Variants in SPINT4 observed in about 807,000 individuals in gnomAD.
The protein encoded by SPINT4 is kunitz-type protease inhibitor 4.
Under a neutral mutation model 9.4 loss-of-function variants are expected in SPINT4, and 7 were observed. The observed-to-expected ratio is 0.74, with a 90% CI of 0.42 to 1.40. SPINT4 has a LOEUF of 1.40. SPINT4 is among the 40% of genes most tolerant of loss of function. SPINT4 has a pLI of 0.01. For missense variants in SPINT4, 105 were observed against 114.4 expected (o/e 0.92, Z 0.37); for synonymous variants, 36 against 39.9 (o/e 0.90, Z 0.37).
At chr20:45,725,013 T>TATATATATATACACAC (rs1555809000) in intron 2 of SPINT4, among the ~76,000 whole-genome samples, 1 of 49,506 alleles carries the variant, frequency 2.0e-5, no homozygotes, top group African/African-American at 1.5e-4. Context: ...TATATATATA[T>TATATATATATACACAC]ATATATATAT....
chr20:45,724,979 C>CAAAAAAAAAAAAAAAAAAAAAAAAA (rs1168670011), intron 2 of SPINT4, among the ~76,000 whole-genome samples: 1 of 27,184 alleles, frequency 3.7e-5, no homozygotes, highest in Non-Finnish European at 5.4e-5. Flanking sequence ...GACTCCATCT[C>CAAAAAAAAAAAAAAAAAAAAAAAAA]AAAAAAAAAA....
In SPINT4 at chr20:45,723,996, C is replaced by CT. The variant is rs777094604; in HGVS notation, c.234dup (p.Asn79Ter). 3.5e-5 allele frequency: 56 copies of CT among 1,610,110 alleles called. No individual in the cohort carries two copies. The highest frequency in any genetic ancestry group is 4.6e-5 in the Non-Finnish European group (54 of 1,178,966). On this transcript the variant is annotated frameshift_variant, in exon 2 of 3. Coordinates refer to ENST00000279058, the MANE Select transcript of SPINT4 (RefSeq NM_178455.3). LOFTEE classifies it high-confidence loss of function. Reference sequence around the variant, plus strand: ...TGTCTTCTCCGGCTGTAATGGCAACCTTAACAACTTCAAGCTTAAAATAGA... The same window carrying CT: ...TGTCTTCTCCGGCTGTAATGGCAACCTTTAACAACTTCAAGCTTAAAATAGA...
chr20:45,725,543 G>A, intron 2 of SPINT4, 86 bp from the exon 3 acceptor site: 1 of 1,442,764 alleles, frequency 6.9e-7, no homozygotes, highest in Non-Finnish European at 9.8e-7. Context: ...GCTTTCCCTA[G>A]GATAAAAAAT....
chr20:45,722,628 C>T, intron 1 of SPINT4, 146 bp downstream of exon 1: 1 of 641,878 alleles, frequency 1.6e-6, no homozygotes, highest in South Asian at 1.8e-5. Context: ...TGACTCAGGG[C>T]ATTACTTACA....
chr20:45,722,612 G>C, intron 1 of SPINT4, 130 bp downstream of exon 1: 1 of 682,030 alleles, frequency 1.5e-6, no homozygotes, highest in South Asian at 1.6e-5. Flanking sequence ...TAGACACTTA[G>C]TCCCTTGACT....
chr20:45,724,088 G>A (rs1984868645), intron 2 of SPINT4, 31 bp downstream of exon 2: 1 of 1,570,912 alleles, frequency 6.4e-7, no homozygotes. Flanking sequence ...CTTGGTCCTT[G>A]GGGGTAGTAA....
At chr20:45,723,742 A>C (rs1252738043) in intron 1 of SPINT4, 138 bp from the exon 2 acceptor site, 2 of 715,908 alleles carry the variant, frequency 2.8e-6, no homozygotes, top group Non-Finnish European at 4.4e-6. Flanking sequence ...ACTCCAAGAG[A>C]AAACCACATC....
At position 45,722,377 on chromosome 20, in the gene SPINT4, G is replaced by A; in HGVS notation, c.10G>A (p.Ala4Thr). Residue 4 changes from alanine (A) to threonine (T), a missense_variant, in exon 1 of 3, where the codon GCC (alanine) becomes ACC (threonine). By Grantham distance (58) the Ala-to-Thr change is moderately conservative. Coordinates refer to ENST00000279058, the MANE Select transcript of SPINT4 (RefSeq NM_178455.3). MKS[A>T]KLGFLLRFFI... ...TGCTGCTTGCTGCACCATGAAGTCT[G>A]CCAAGCTGGGATTTCTTCTAAGATT... The A allele has an allele frequency of 6.2e-7, 1 of 1,611,160 alleles. No individual in the cohort carries two copies. Among genetic ancestry groups the A allele is most frequent in the African/African-American group, 1.3e-5 (1 of 74,996 alleles).
At chr20:45,725,015 T>TATATACACATATATATATATATATACAC (rs1555809007) in intron 2 of SPINT4, among the ~76,000 whole-genome samples, 3 of 113,506 alleles carry the variant, frequency 2.6e-5, no homozygotes, top group African/African-American at 3.8e-5. Context: ...TATATATATA[T>TATATACACATATATATATATATATACAC]ATATATATAT....
intron 1 of SPINT4, among the ~76,000 whole-genome samples, 177 bp from the exon 2 acceptor site, chr20:45,723,703 T>C (rs1315400045): frequency 6.6e-6 from 1 of 152,132 alleles, no homozygotes; most frequent in Non-Finnish European, 1.5e-5. Context: ...ATTTGCATTG[T>C]GCAAGGGCAA....
In SPINT4 at chr20:45,724,033, C is replaced by G. The variant is rs377175130; in HGVS notation, c.269C>G (p.Ala90Gly). Reference sequence around the variant, plus strand: ...AAGCTTAAAATAGAACGTGAAGTAGCCTGTGTTGCAAAATACAAACCACCG... The same window carrying G: ...AAGCTTAAAATAGAACGTGAAGTAGGCTGTGTTGCAAAATACAAACCACCG... ...NFKLKIEREV[A>G]CVAKYKPPR The change falls in exon 2 of 3, where the codon GCC (alanine) becomes GGC (glycine). Residue 90 changes from alanine to glycine, a missense_variant. Ala to Gly is a moderately conservative substitution (Grantham distance 60). Coordinates refer to ENST00000279058, the MANE Select transcript of SPINT4 (RefSeq NM_178455.3). The G allele has an allele frequency of 1.3e-4, 203 of 1,608,572 alleles. 2 individuals are homozygous for G. The highest frequency in any genetic ancestry group is 1.7e-4 in the Non-Finnish European group (198 of 1,178,614).
At chr20:45,724,979 C>CAAAAAAAA (rs1168670011) in intron 2 of SPINT4, among the ~76,000 whole-genome samples, 4 of 27,184 alleles carry the variant, frequency 1.5e-4, no homozygotes, top group Admixed American at 5.7e-4. Flanking sequence ...GACTCCATCT[C>CAAAAAAAA]AAAAAAAAAA....
chr20:45,725,678 TAA>T lies in SPINT4; in HGVS notation c.*45_*46del. 1 of 1,610,480 alleles carries T rather than the reference TAA, an allele frequency of 6.2e-7. No individual in the cohort carries two copies. The highest frequency in any genetic ancestry group is 8.5e-7 in the Non-Finnish European group (1 of 1,176,722). On this transcript the variant is annotated 3_prime_UTR_variant, in exon 3 of 3. Transcript: ENST00000279058. ...AAGTTGTCTGCTGCACCATCCGAAA[TAA>T]AGACACAAGAAAATTCAGACTGATT... is the stretch of plus-strand genomic sequence containing the variant.
At chr20:45,723,502 G>A (rs565848209) in intron 1 of SPINT4, among the ~76,000 whole-genome samples, 2 of 152,236 alleles carry the variant, frequency 1.3e-5, no homozygotes, top group South Asian at 2.1e-4. Flanking sequence ...CATGTCCTAT[G>A]TGGGCAATTA....
intron 1 of SPINT4, 75 bp from the exon 2 acceptor site, chr20:45,723,805 A>C: frequency 5.8e-6 from 7 of 1,217,050 alleles, no homozygotes; most frequent in Non-Finnish European, 6.8e-6. Context: ...AGGAATTTTT[A>C]AGGGCCCATA....
chr20:45,724,777 G>A (rs1216398554), intron 2 of SPINT4, among the ~76,000 whole-genome samples: 3 of 149,210 alleles, frequency 2.0e-5, no homozygotes, highest in Non-Finnish European at 3.0e-5. Flanking sequence ...TCAGGAGATC[G>A]AGACCATCCT....
intron 1 of SPINT4, 22 bp downstream of exon 1, chr20:45,722,504 TA>T (rs1381952353): frequency 2.0e-6 from 3 of 1,531,746 alleles, no homozygotes; most frequent in African/African-American, 1.4e-5. Flanking sequence ...AGGCAGAAAA[TA>T]AATCCAAAGG....
chr20:45,723,763 C>A, intron 1 of SPINT4, 117 bp from the exon 2 acceptor site: 1 of 833,364 alleles, frequency 1.2e-6, no homozygotes, highest in Non-Finnish European at 1.8e-6. Context: ...TTTCAGAGTC[C>A]TTGAATATGA....
chr20:45,722,513 A>T (rs1327787932), intron 1 of SPINT4, 31 bp downstream of exon 1: 1 of 1,479,774 alleles, frequency 6.8e-7, no homozygotes, highest in East Asian at 2.3e-5. Context: ...ATAAATCCAA[A>T]GGTCAATTAT....
Sources: allele counts gnomAD v4.1 joint callset (sites outside exome capture counted in the v4.1 genomes callset), GRCh38; gene constraint gnomAD v4.1.1; transcripts MANE v1.5; gene names NCBI Gene and HGNC (gene_info 2026-07-23, HGNC 2026-07-21).